KRT15: variants seen among roughly 807,000 people sequenced by gnomAD.
The protein encoded by KRT15 is keratin, type I cytoskeletal 15.
A neutral mutation model predicts 46.6 loss-of-function variants in KRT15; 45 were observed. The observed-to-expected ratio is 0.97, with a 90% confidence interval of 0.76 to 1.24. The LOEUF is 1.24. Ranked by LOEUF, KRT15 falls within the 50% of genes most tolerant of loss-of-function variation. The pLI, the probability that KRT15 is intolerant of heterozygous loss-of-function variation, is 0.00. For missense variants in KRT15, 592 were observed against 588.9 expected (o/e 1.01, Z -0.05); for synonymous variants, 221 against 233.8 (o/e 0.95, Z 0.50).
chr17:41,514,873 G>A (rs552160312), intron 6 of KRT15, 199 bp from the exon 7 acceptor site: 3 of 542,282 alleles, frequency 5.5e-6, no homozygotes, highest in South Asian at 5.1e-5. Context: ...GTTTTGTTTT[G>A]TTTTGTTTTT....
Position 41,516,237 on chromosome 17 carries a change from G to A in KRT15, c.767C>T (p.Ala256Val), listed in dbSNP as rs755301058. Residue 256 changes from alanine (A) to valine (V), a missense_variant, in exon 4 of 8, where the codon GCC becomes GTC. Coordinates refer to ENST00000254043, the MANE Select transcript of KRT15 (RefSeq NM_002275.4). ...GTCCATCTCCACATTGACCTGGCCG[G>A]CCAGCTGGCTGCTGAACTCCTTCAT... ...EEMKEFSSQLAGQVNVEMDAA... is the reference protein window; with the variant it reads ...EEMKEFSSQLVGQVNVEMDAA... 3 of 1,613,852 alleles carry A rather than the reference G, an allele frequency of 1.9e-6. No individual in the cohort carries two copies. The highest frequency in any genetic ancestry group is 1.7e-6 in the Non-Finnish European group (2 of 1,179,948).
rs953773136 is a variant in KRT15, at chr17:41,513,870, G to A, written c.*153C>T. On this transcript the variant is annotated 3_prime_UTR_variant, in exon 8 of 8. Transcript: ENST00000254043. The stretch of plus-strand genomic sequence containing the variant: ...GGGAGAGGCAGAGGGGGAATAGAGC[G>A]CATGCAAAGCCCTGAAATAAAAGAC... The A allele has an allele frequency of 5.3e-5, 35 of 665,198 alleles. No homozygotes were observed. Among genetic ancestry groups the A allele is most frequent in the African/African-American group, 7.1e-5 (4 of 56,058 alleles). 41.2% of individuals were successfully genotyped at this position (665,198 alleles called of 1,614,324 possible).
chr17:41,518,486 G>A lies in KRT15; in HGVS notation c.342C>T (p.Asp114=), dbSNP rs896772076. 3 of 1,613,904 alleles carry A rather than the reference G, an allele frequency of 1.9e-6. No homozygotes were observed. In the Admixed American group the frequency reaches 5.0e-5, roughly 27 times the overall value. Residue 114 remains aspartate, a synonymous_variant, in exon 1 of 8, where the codon GAC becomes GAT. Transcript: ENST00000254043. ...NEKITMQNLN[D]RLASYLDKVR... ...CCTTGTCCAGGTAGGAGGCCAGGCG[G>A]TCATTGAGGTTCTGCATGGTAATTT...
Position 41,518,309 on chromosome 17 carries a change from CTT to C in KRT15, c.498+19_498+20del, listed in dbSNP as rs2144527274. On this transcript the variant is annotated intron_variant, in intron 1 of 7. Transcript: ENST00000254043. Reference sequence around the variant, plus strand: ...GGGTACCAGCCACCTGCTCCCCTCTCTTTGACATCCGAGGACTCACCTTGTCC... The same window carrying C: ...GGGTACCAGCCACCTGCTCCCCTCTCTGACATCCGAGGACTCACCTTGTCC... 6.3e-7 allele frequency: 1 copy of C among 1,599,776 alleles called. No homozygotes were observed. The highest frequency in any genetic ancestry group is 2.2e-5 in the East Asian group (1 of 44,694).
rs752153718 is a variant in KRT15 at position 41,515,545 on chromosome 17, G to C, written c.1174C>G (p.Leu392Val). ...MEAQNQEYKM[L>V]LDIKTRLEQE... ...TCCAGCCGTGTCTTTATGTCAAGCA[G>C]CATCTTGTACTCCTGGTTCTGAGCC... is the stretch of plus-strand genomic sequence containing the variant. The change falls in exon 6 of 8, where the codon CTG (leucine) becomes GTG (valine). Residue 392 changes from leucine to valine, a missense_variant. Leu to Val is a conservative substitution (Grantham distance 32). Transcript: ENST00000254043. 6.2e-7 allele frequency: 1 copy of C among 1,614,102 alleles called. No homozygotes were observed. Among genetic ancestry groups the C allele is most frequent in the South Asian group, 1.1e-5 (1 of 91,084 alleles).
At position 41,516,827 on chromosome 17, in the gene KRT15, AG is replaced by A; in HGVS notation, c.718del (p.Leu240Ter). 6.2e-7 allele frequency: 1 copy of A among 1,614,174 alleles called. No individual in the cohort carries two copies. Among genetic ancestry groups the A allele is most frequent in the South Asian group, 1.1e-5 (1 of 91,086 alleles). The stretch of plus-strand genomic sequence containing the variant: ...TCTCACCTCTTCGTGGTTCTTCTTC[AG>A]GTAGGCTAGCTCCTCATTCAGGCCC... Reference protein sequence around the residue: ...IEGLNEELAYLKKNHEEEMKE... With the variant: ...IEGLNEELAYXKKNHEEEMKE... On this transcript the variant is annotated frameshift_variant, in exon 3 of 8. Coordinates refer to ENST00000254043, the MANE Select transcript of KRT15 (RefSeq NM_002275.4). LOFTEE classifies it high-confidence loss of function.
rs1567717225 is a variant in KRT15 at position 41,513,810 on chromosome 17, C to A, written c.*213G>T. 7.2e-6 allele frequency: 4 copies of A among 555,056 alleles called. No individual in the cohort carries two copies. The Admixed American group carries it at 9.2e-5, about 13-fold the overall frequency. The allele number at this position is 555,056 out of a possible 1,614,324, so 34.4% of individuals were successfully genotyped here. Reference sequence around the variant, plus strand: ...ACACTGTACAAATGAGCTTGTTACACAATACAGCTGCATCTCCTTGCTCCA... The same window carrying A: ...ACACTGTACAAATGAGCTTGTTACAAAATACAGCTGCATCTCCTTGCTCCA... On this transcript the variant is annotated 3_prime_UTR_variant, in exon 8 of 8. Transcript: ENST00000254043.
intron 1 of KRT15, 30 bp from the exon 2 acceptor site, chr17:41,517,195 A>G (rs747583618): frequency 6.3e-7 from 1 of 1,581,490 alleles, no homozygotes; most frequent in Non-Finnish European, 8.7e-7. Context: ...TGTCTAGAGG[A>G]CTCCTCTCTC....
In KRT15 at chr17:41,516,866, T is replaced by A; in HGVS notation, c.680A>T (p.Glu227Val). ...CTCATTCAGGCCCTCGATCTGCATC[T>A]CCAGGTCAGTCCTGGCCAGGGTCAG... Reference protein sequence around the residue: ...DELTLARTDLEMQIEGLNEEL... With the variant: ...DELTLARTDLVMQIEGLNEEL... Residue 227 changes from glutamate to valine, a missense_variant, in exon 3 of 8, where the codon GAG (glutamate) becomes GTG (valine). Physicochemically the swap from Glu to Val is moderately radical, Grantham distance 121 (BLOSUM62 -2). Transcript: ENST00000254043. The A allele has an allele frequency of 1.2e-6, 2 of 1,614,212 alleles. No individual in the cohort carries two copies. Among genetic ancestry groups the A allele is most frequent in the Non-Finnish European group, 1.7e-6 (2 of 1,180,036 alleles).
In KRT15 at chr17:41,516,813, C is replaced by T. The variant is rs140616866; in HGVS notation, c.733G>A (p.Glu245Lys). The T allele has an allele frequency of 2.8e-4, 448 of 1,614,182 alleles. 2 individuals carry two copies. The African/African-American group carries it at 4.0e-3, about 14-fold the overall frequency. ...TGATGGGGGCCAGCTCTCACCTCTT[C>T]GTGGTTCTTCTTCAGGTAGGCTAGC... is the stretch of plus-strand genomic sequence containing the variant. The part of the protein sequence containing the change: ...EELAYLKKNH[E>K]EEMKEFSSQL... Residue 245 changes from glutamate to lysine, a missense_variant, in exon 3 of 8, where the codon GAA becomes AAA. Glu to Lys is a moderately conservative substitution (Grantham distance 56). Coordinates refer to ENST00000254043, the MANE Select transcript of KRT15 (RefSeq NM_002275.4).
Position 41,516,136 on chromosome 17 carries a change from G to T in KRT15, c.868C>A (p.Arg290Ser), listed in dbSNP as rs151228901. ...EQYEAMAEKN[R>S]RDVEAWFFSK... ...AAGAACCAGGCCTCGACATCCCGGC[G>T]GTTCTTCTCCGCCATGGCCTCGTAC... is the stretch of plus-strand genomic sequence containing the variant. Residue 290 changes from arginine to serine, a missense_variant, in exon 4 of 8, where the codon CGC (arginine) becomes AGC (serine). Physicochemically the swap from Arg to Ser is moderately radical, Grantham distance 110. Transcript: ENST00000254043. 3 of 1,614,038 alleles carry T rather than the reference G, an allele frequency of 1.9e-6. No homozygotes were observed. Among genetic ancestry groups the T allele is most frequent in the Non-Finnish European group, 2.5e-6 (3 of 1,180,026 alleles).
At chr17:41,514,574 T>A in intron 7 of KRT15, 75 bp downstream of exon 7, 1 of 1,407,554 alleles carries the variant, frequency 7.1e-7, no homozygotes, top group South Asian at 1.2e-5. Flanking sequence ...TTCTCCTTCC[T>A]CCCTATTCCG....
chr17:41,514,801 C>CTCAGGATG (rs1382606906), intron 6 of KRT15, 127 bp from the exon 7 acceptor site: 1 of 846,568 alleles, frequency 1.2e-6, no homozygotes, highest in Non-Finnish European at 1.9e-6. Flanking sequence ...CATCTGACTC[C>CTCAGGATG]TCTAGGGGTG....
intron 6 of KRT15, chr17:41,515,270 A>T: frequency 1.7e-6 from 1 of 589,310 alleles, no homozygotes; most frequent in Non-Finnish European, 3.0e-6. Flanking sequence ...CAGAAGAAAC[A>T]CGGATCCAGA....
chr17:41,516,760 G>A lies in KRT15; in HGVS notation c.738+48C>T, dbSNP rs115287606. On this transcript the variant is annotated intron_variant, in intron 3 of 7. Coordinates refer to ENST00000254043, the MANE Select transcript of KRT15 (RefSeq NM_002275.4). ...GCAATTTAAGTGAGTTTTGGGAAGAGGTTCCCCACCTCTCTCGGGTTCAGG... is the reference window on the plus strand; with the variant it reads ...GCAATTTAAGTGAGTTTTGGGAAGAAGTTCCCCACCTCTCTCGGGTTCAGG... 3.3e-3 allele frequency: 5,368 copies of A among 1,604,660 alleles called. 170 individuals carry two copies. In the African/African-American group the frequency reaches 0.064, roughly 19 times the overall value.
chr17:41,516,124 C>T lies in KRT15; in HGVS notation c.880G>A (p.Glu294Lys), dbSNP rs149096052. 1.8e-5 allele frequency: 29 copies of T among 1,614,062 alleles called. No homozygotes were observed. In the African/African-American group the frequency reaches 2.3e-4, roughly 13 times the overall value. The change falls in exon 4 of 8, where the codon GAG becomes AAG. Residue 294 changes from glutamate (E) to lysine (K), a missense_variant. Transcript: ENST00000254043. ...AMAEKNRRDV[E>K]AWFFSKTEEL... Reference sequence around the variant, plus strand: ...CCCACCTTGCTGAAGAACCAGGCCTCGACATCCCGGCGGTTCTTCTCCGCC... The same window carrying T: ...CCCACCTTGCTGAAGAACCAGGCCTTGACATCCCGGCGGTTCTTCTCCGCC...
intron 1 of KRT15, chr17:41,517,424 C>G: frequency 4.0e-6 from 2 of 501,038 alleles, no homozygotes; most frequent in Non-Finnish European, 7.3e-6. Context: ...CACGAAAGAC[C>G]AAGGAGGCAG....
At position 41,514,639 on chromosome 17, in the gene KRT15, G is replaced by T. The variant is rs759419488; in HGVS notation, c.1273+10C>A. 2.3e-5 allele frequency: 37 copies of T among 1,612,986 alleles called. No individual in the cohort carries two copies. Among genetic ancestry groups the T allele is most frequent in the Non-Finnish European group, 3.1e-5 (37 of 1,179,218 alleles). On this transcript the variant is annotated intron_variant, in intron 7 of 7. Transcript: ENST00000254043. Reference sequence around the variant, plus strand: ...CCCCACCCCACACCAGAAGAGTAAAGCCTTCCTACCTTCCCTGATGGCAAT... The same window carrying T: ...CCCCACCCCACACCAGAAGAGTAAATCCTTCCTACCTTCCCTGATGGCAAT...
At chr17:41,517,037 A>G (rs200745128) in intron 2 of KRT15, 46 bp downstream of exon 2, 74 of 1,614,076 alleles carry the variant, frequency 4.6e-5, no homozygotes, top group Non-Finnish European at 5.8e-5. Context: ...GAGAAGGCCA[A>G]GTAAAGTGGG....
Sources: allele counts gnomAD v4.1 joint callset, GRCh38; gene constraint gnomAD v4.1.1; transcripts MANE v1.5; gene names NCBI Gene and HGNC (gene_info 2026-07-23, HGNC 2026-07-21).